UNC5C: variants seen among roughly 807,000 people sequenced by gnomAD.
The protein encoded by UNC5C is unc-5 netrin receptor C.
UNC5C carries 47 observed loss-of-function variants against 99.8 expected under a neutral mutation model. The observed-to-expected ratio is 0.47, with a 90% CI of 0.37 to 0.60. The LOEUF (loss-of-function observed/expected upper bound fraction) is 0.60, where lower values mean the gene tolerates loss of function less well. Among genes scored for constraint, UNC5C ranks in the 20% least tolerant of loss-of-function variants. UNC5C has a pLI of 0.00. For missense variants in UNC5C, 1,062 were observed against 1,165.9 expected (o/e 0.91, Z 1.30); for synonymous variants, 487 against 452.2 (o/e 1.08, Z -0.98).
chr4:95,334,729 G>C (rs1743265527), intron 2 of UNC5C, among the ~76,000 whole-genome samples: 1 of 151,778 alleles, frequency 6.6e-6, no homozygotes, highest in African/African-American at 2.4e-5. Context: ...TATCTTTAAG[G>C]ATGGTATTTA....
In UNC5C at chr4:95,349,145, A is replaced by G. The variant is rs184980599; in HGVS notation, c.125-13514T>C. Among the ~76,000 whole-genome samples, 33 of 151,588 alleles carry G rather than the reference A, an allele frequency of 2.2e-4. No homozygotes were observed. In the East Asian group the frequency reaches 6.2e-3, roughly 29 times the overall value. ...TATAATTGGATTGCTTGTAACACAA[A>G]TAGAGGATGAATGCTCGAGGTAAGG... is the stretch of plus-strand genomic sequence containing the variant. On this transcript the variant is annotated intron_variant, in intron 1 of 15. Transcript: ENST00000453304.
chr4:95,535,977 A>G (rs1722766433), intron 1 of UNC5C, among the ~76,000 whole-genome samples: 1 of 151,856 alleles, frequency 6.6e-6, no homozygotes, highest in East Asian at 1.9e-4. Flanking sequence ...CTATTTTAAT[A>G]AAAGTTTTAT....
At chr4:95,237,285 T>C (rs149127482) in intron 7 of UNC5C, among the ~76,000 whole-genome samples, 47 of 152,294 alleles carry the variant, frequency 3.1e-4, no homozygotes, top group African/African-American at 1.1e-3. Context: ...AGTAGAATTA[T>C]TGGGTCAAAG....
chr4:95,514,399 A>C (rs1255094432), intron 1 of UNC5C, among the ~76,000 whole-genome samples: 1 of 151,994 alleles, frequency 6.6e-6, no homozygotes, highest in Non-Finnish European at 1.5e-5. Context: ...ACCAATTTAC[A>C]AAATTTTATA....
chr4:95,213,487 C>T (rs1001208516), intron 10 of UNC5C, among the ~76,000 whole-genome samples: 1 of 152,236 alleles, frequency 6.6e-6, no homozygotes, highest in African/African-American at 2.4e-5. Context: ...CTTGTCCCAT[C>T]TCTGTGGCTC....
At chr4:95,503,285 C>T (rs1367854905) in intron 1 of UNC5C, among the ~76,000 whole-genome samples, 1 of 152,058 alleles carries the variant, frequency 6.6e-6, no homozygotes, top group Non-Finnish European at 1.5e-5. Context: ...AGCAAGAAGG[C>T]CCTAGAAAGT....
At chr4:95,346,266 G>A (rs1743768826) in intron 1 of UNC5C, among the ~76,000 whole-genome samples, 1 of 151,902 alleles carries the variant, frequency 6.6e-6, no homozygotes, top group Non-Finnish European at 1.5e-5. Flanking sequence ...CCATTAACAA[G>A]TAAGGGGATC....
intron 1 of UNC5C, among the ~76,000 whole-genome samples, chr4:95,489,362 G>A (rs1006994391): frequency 5.3e-5 from 8 of 151,566 alleles, no homozygotes; most frequent in Non-Finnish European, 7.4e-5. Context: ...TAGTGATTGC[G>A]GCAGAAGATG....
chr4:95,515,587 A>G (rs1248135106), intron 1 of UNC5C, among the ~76,000 whole-genome samples: 3 of 152,230 alleles, frequency 2.0e-5, no homozygotes, highest in Non-Finnish European at 4.4e-5. Flanking sequence ...CTTATGTTAG[A>G]GAGTGAATGT....
intron 7 of UNC5C, among the ~76,000 whole-genome samples, chr4:95,228,761 C>A (rs1445007324): frequency 6.6e-6 from 1 of 152,214 alleles, no homozygotes; most frequent in Non-Finnish European, 1.5e-5. Context: ...GATAACCCTG[C>A]TGATTTGGAC....
At chr4:95,256,699 A>AATATATATATATATAT (rs377553615) in intron 4 of UNC5C, among the ~76,000 whole-genome samples, 8 of 90,678 alleles carry the variant, frequency 8.8e-5, no homozygotes, top group African/African-American at 2.9e-4. Flanking sequence ...GAACTAAATA[A>AATATATATATATATAT]ATATATATAT....
At chr4:95,520,659 T>C (rs1195299856) in intron 1 of UNC5C, among the ~76,000 whole-genome samples, 1 of 147,750 alleles carries the variant, frequency 6.8e-6, no homozygotes, top group Non-Finnish European at 1.5e-5. Context: ...ACTGCAGTGG[T>C]GCCCTCTCGG....
intron 1 of UNC5C, among the ~76,000 whole-genome samples, chr4:95,466,735 C>T (rs566849198): frequency 9.5e-4 from 145 of 152,098 alleles, no homozygotes; most frequent in Admixed American, 1.6e-3. Context: ...CTTTTAAAAG[C>T]CATTCATAAA....
At chr4:95,331,530 G>A (rs1743111314) in intron 2 of UNC5C, among the ~76,000 whole-genome samples, 1 of 152,058 alleles carries the variant, frequency 6.6e-6, no homozygotes, top group South Asian at 2.1e-4. Context: ...GGATGAAAAT[G>A]AAAGCTCCTA....
chr4:95,548,515 C>T (rs1028516397), intron 1 of UNC5C, among the ~76,000 whole-genome samples: 2 of 151,970 alleles, frequency 1.3e-5, no homozygotes, highest in African/African-American at 4.8e-5. Context: ...CTGGTCCATT[C>T]GTGCCCATCT....
In UNC5C at chr4:95,216,116, A is replaced by ATAT. The variant is rs1321164941; in HGVS notation, c.1733+5_1733+7dup. 6.2e-7 allele frequency: 1 copy of ATAT among 1,610,658 alleles called. No individual in the cohort carries two copies. The highest frequency in any genetic ancestry group is 1.3e-5 in the African/African-American group (1 of 74,828). On this transcript the variant is annotated splice_region_variant and intron_variant, in intron 10 of 15. Coordinates refer to ENST00000453304, the MANE Select transcript of UNC5C (RefSeq NM_003728.4). ...GTAAAGTCAGTGCACCAGAAAAAGC[A>ATAT]TATTTACCTCATAGTTTCTTTCCTG...
chr4:95,390,105 T>C (rs1231660305), intron 1 of UNC5C, among the ~76,000 whole-genome samples: 2 of 152,106 alleles, frequency 1.3e-5, no homozygotes, highest in Non-Finnish European at 2.9e-5. Flanking sequence ...CAGTAAAAAG[T>C]ATCATACTAA....
At chr4:95,327,940 G>A (rs1443975553) in intron 2 of UNC5C, among the ~76,000 whole-genome samples, 3 of 151,552 alleles carry the variant, frequency 2.0e-5, no homozygotes, top group South Asian at 2.1e-4. Context: ...GACTCTTCAC[G>A]GAGCTGTTAA....
At chr4:95,510,842 C>T (rs761780225) in intron 1 of UNC5C, among the ~76,000 whole-genome samples, 6 of 152,080 alleles carry the variant, frequency 3.9e-5, no homozygotes, top group Non-Finnish European at 8.8e-5. Context: ...AAATTTGCCT[C>T]GGCATTTTCC....
Sources: allele counts gnomAD v4.1 joint callset (sites outside exome capture counted in the v4.1 genomes callset), GRCh38; gene constraint gnomAD v4.1.1; transcripts MANE v1.5; gene names NCBI Gene and HGNC (gene_info 2026-07-23, HGNC 2026-07-21).